Variants in CSMD1 observed in about 807,000 individuals in gnomAD.
CSMD1 encodes the protein CUB and sushi domain-containing protein 1.
CSMD1 carries 213 observed loss-of-function variants against 417.5 expected under a neutral mutation model. That is an observed-to-expected ratio of 0.51 (90% CI 0.46 to 0.57). The LOEUF (loss-of-function observed/expected upper bound fraction) is 0.57. Ranked by LOEUF, CSMD1 falls within the 20% of genes least tolerant of loss-of-function variation. The probability of loss-of-function intolerance (pLI) is 0.00; values close to 1 mark genes in which losing one functional copy is unlikely to be tolerated. For missense variants in CSMD1, 6,923 were observed against 4,529.7 expected (o/e 1.53, Z -15.17); for synonymous variants, 2,862 against 1,736.8 (o/e 1.65, Z -16.11).
At chr8:3,145,034 A>T (rs1450216250) in intron 40 of CSMD1, among the ~76,000 whole-genome samples, 3 of 96,010 alleles carry the variant, frequency 3.1e-5, no homozygotes, top group African/African-American at 1.1e-4. Flanking sequence ...AGTAAACTAG[A>T]GTAAAGAGTT....
chr8:4,950,262 C>T (rs1165641100), intron 1 of CSMD1, among the ~76,000 whole-genome samples: 3 of 152,108 alleles, frequency 2.0e-5, no homozygotes, highest in Non-Finnish European at 4.4e-5. Context: ...ATGCCACACA[C>T]ATATTTTCAT....
chr8:4,010,302 G>T (rs909675772), intron 4 of CSMD1, among the ~76,000 whole-genome samples: 1 of 151,828 alleles, frequency 6.6e-6, no homozygotes, highest in Non-Finnish European at 1.5e-5. Context: ...TAATAATCTG[G>T]CACCCTCTGC....
intron 1 of CSMD1, among the ~76,000 whole-genome samples, chr8:4,959,409 C>A (rs376068481): frequency 6.6e-6 from 1 of 152,230 alleles, no homozygotes; most frequent in Admixed American, 6.5e-5. Context: ...CTCAGTTGCA[C>A]TGGACACAAG....
chr8:4,109,138 C>A (rs1203397420), intron 3 of CSMD1, among the ~76,000 whole-genome samples: 2 of 152,030 alleles, frequency 1.3e-5, no homozygotes, highest in Non-Finnish European at 2.9e-5. Flanking sequence ...ATACCTAATA[C>A]AATGTAAATG....
chr8:3,883,234 C>T (rs1444743256), intron 5 of CSMD1, among the ~76,000 whole-genome samples: 1 of 152,056 alleles, frequency 6.6e-6, no homozygotes, highest in Non-Finnish European at 1.5e-5. Flanking sequence ...ATTCATTTGA[C>T]CTGTAATTTT....
intron 1 of CSMD1, among the ~76,000 whole-genome samples, chr8:4,682,973 T>TATATAC (rs1806142775): frequency 7.1e-6 from 1 of 140,318 alleles, no homozygotes; most frequent in East Asian, 2.0e-4. Context: ...TATATATATA[T>TATATAC]ATATATATAT....
intron 3 of CSMD1, among the ~76,000 whole-genome samples, chr8:4,362,572 G>T (rs766921214): frequency 2.6e-5 from 4 of 152,146 alleles, no homozygotes; most frequent in South Asian, 2.1e-4. Flanking sequence ...ATATAGCCCC[G>T]TGAAGTGTAG....
rs545280567 is a variant in CSMD1, at chr8:4,256,636, G to T, written c.415+163317C>A. 5.3e-5 allele frequency among the ~76,000 whole-genome samples: 8 copies of T among 152,288 alleles called. No individual in the cohort carries two copies. In the South Asian group the frequency reaches 1.5e-3, roughly 28 times the overall value. ...TTGAGAATCAGTGAGACCCATGAAA[G>T]GGGGCGCCCCAAGTCACAGATGGCT... On this transcript the variant is annotated intron_variant, in intron 3 of 69. Coordinates refer to ENST00000635120, the MANE Select transcript of CSMD1 (RefSeq NM_033225.6).
At chr8:4,666,518 A>G (rs1347251608) in intron 1 of CSMD1, among the ~76,000 whole-genome samples, 1 of 152,216 alleles carries the variant, frequency 6.6e-6, no homozygotes, top group Non-Finnish European at 1.5e-5. Context: ...AGAACGGAAC[A>G]GAATCCTGAT....
intron 7 of CSMD1, among the ~76,000 whole-genome samples, chr8:3,674,284 T>A (rs1286791740): frequency 6.6e-6 from 1 of 152,194 alleles, no homozygotes; most frequent in Non-Finnish European, 1.5e-5. Flanking sequence ...TTATTGCAAA[T>A]TAATAAATCA....
intron 1 of CSMD1, among the ~76,000 whole-genome samples, chr8:4,708,709 G>A (rs926598218): frequency 1.3e-4 from 19 of 151,980 alleles, no homozygotes; most frequent in African/African-American, 4.6e-4. Flanking sequence ...CCCAACTGTG[G>A]CGGTGGAATT....
chr8:4,370,317 C>A (rs552462226), intron 3 of CSMD1, among the ~76,000 whole-genome samples: 2 of 151,454 alleles, frequency 1.3e-5, no homozygotes, highest in African/African-American at 4.8e-5. Flanking sequence ...CTGCTGTTAG[C>A]CTGATGGGGG....
chr8:3,842,270 A>T (rs1322215875), intron 5 of CSMD1, among the ~76,000 whole-genome samples: 1 of 151,948 alleles, frequency 6.6e-6, no homozygotes, highest in African/African-American at 2.4e-5. Flanking sequence ...CTAATTCCCA[A>T]TCTTCTTATG....
At chr8:4,145,348 C>G (rs1436763054) in intron 3 of CSMD1, among the ~76,000 whole-genome samples, 3 of 150,960 alleles carry the variant, frequency 2.0e-5, no homozygotes, top group Admixed American at 1.3e-4. Flanking sequence ...TCCAATATGT[C>G]AGAAAGATCT....
intron 2 of CSMD1, among the ~76,000 whole-genome samples, chr8:4,582,060 G>A (rs906464583): frequency 2.0e-5 from 3 of 151,358 alleles, no homozygotes; most frequent in Admixed American, 1.3e-4. Context: ...GGGACACTGC[G>A]TTCCGAGCCT....
intron 11 of CSMD1, among the ~76,000 whole-genome samples, chr8:3,487,480 C>T (rs546197324): frequency 6.6e-6 from 1 of 152,308 alleles, no homozygotes; most frequent in Non-Finnish European, 1.5e-5. Context: ...GGATTACAGG[C>T]ATGAGCCACC....
chr8:4,593,106 G>A (rs1285257234), intron 2 of CSMD1, among the ~76,000 whole-genome samples: 4 of 152,082 alleles, frequency 2.6e-5, no homozygotes, highest in Non-Finnish European at 5.9e-5. Context: ...GCCATTTCTT[G>A]GTCTCATTCC....
At chr8:3,047,285 C>T (rs186203609) in intron 50 of CSMD1, among the ~76,000 whole-genome samples, 2 of 152,168 alleles carry the variant, frequency 1.3e-5, no homozygotes, top group Admixed American at 1.3e-4. Flanking sequence ...AGTTCTCGCC[C>T]CAGCCATCTC....
intron 1 of CSMD1, among the ~76,000 whole-genome samples, chr8:4,975,723 G>C (rs1234338870): frequency 6.6e-6 from 1 of 152,156 alleles, no homozygotes; most frequent in African/African-American, 2.4e-5. Flanking sequence ...GGTTTCATCT[G>C]ATGTGCTGAG....
Sources: gnomAD v4.1 joint callset for allele counts (sites outside exome capture counted in the v4.1 genomes callset) on GRCh38, gnomAD v4.1.1 for gene constraint, MANE v1.5 for transcripts, NCBI Gene and HGNC (gene_info 2026-07-23, HGNC 2026-07-21) for gene names.